Variants in SNRPC observed in about 807,000 individuals in gnomAD.
SNRPC encodes the protein small nuclear ribonucleoprotein polypeptide C, also known as U1 small nuclear ribonucleoprotein C.
A neutral mutation model predicts 20.0 loss-of-function variants in SNRPC; 5 were observed. The observed-to-expected ratio is 0.25, with a 90% confidence interval of 0.13 to 0.53. SNRPC has a LOEUF of 0.53. Ranked by LOEUF, SNRPC falls within the 20% of genes least tolerant of loss-of-function variation. SNRPC has a pLI of 0.96. For synonymous variants in SNRPC, 61 were observed against 58.7 expected (o/e 1.04, Z -0.18); for missense variants, 112 against 224.1 (o/e 0.50, Z 3.19).
chr6:34,757,630 G>C, intron 1 of SNRPC, 79 bp downstream of exon 1: 1 of 1,508,292 alleles, frequency 6.6e-7, no homozygotes, highest in South Asian at 1.1e-5. Flanking sequence ...GCGGGTTCTG[G>C]TTTCTGAAAC....
intron 4 of SNRPC, among the ~76,000 whole-genome samples, chr6:34,769,903 C>A (rs971273687): frequency 3.3e-5 from 5 of 152,116 alleles, no homozygotes; most frequent in African/African-American, 7.2e-5. Context: ...TGAAGGAGTT[C>A]ATGAGATCCT....
At chr6:34,763,365 T>G (rs1317335567) in intron 3 of SNRPC, among the ~76,000 whole-genome samples, 1 of 152,152 alleles carries the variant, frequency 6.6e-6, no homozygotes, top group South Asian at 2.1e-4. Flanking sequence ...CAAGCAAATA[T>G]GGGCTTTGTG....
intron 5 of SNRPC, among the ~76,000 whole-genome samples, chr6:34,771,220 T>A (rs753714426): frequency 6.6e-6 from 1 of 151,178 alleles, no homozygotes; most frequent in Non-Finnish European, 1.5e-5. Flanking sequence ...TCTCAGCTAC[T>A]CAGGAGGCTG....
chr6:34,769,229 C>CTTTTT (rs11408407), intron 4 of SNRPC, among the ~76,000 whole-genome samples: 37 of 129,090 alleles, frequency 2.9e-4, no homozygotes, highest in African/African-American at 5.9e-4. Flanking sequence ...TTCTTTCTTT[C>CTTTTT]TTTTTTTTTT....
chr6:34,770,368 C>G lies in SNRPC; in HGVS notation c.328C>G (p.Pro110Ala). ...CATGATGCCAATGATGGGCCCTCCT[C>G]CTCCTGGGATGATGCCAGTGGGACC... ...PPMMPMMGPP[P>A]PGMMPVGPAP... is the part of the protein sequence containing the mutation. Residue 110 changes from proline to alanine, a missense_variant, in exon 5 of 6, where the codon CCT becomes GCT. Physicochemically the swap from Pro to Ala is conservative, Grantham distance 27. Around this residue, in one of 3 missense-constraint regions of SNRPC, gnomAD observed 57 missense variants for 121.0 expected, o/e 0.47. Transcript: ENST00000244520. 1 of 1,612,166 alleles carries G rather than the reference C, an allele frequency of 6.2e-7. No homozygotes were observed. The highest frequency in any genetic ancestry group is 1.1e-5 in the South Asian group (1 of 91,042).
At chr6:34,767,816 C>A in intron 3 of SNRPC, 92 bp from the exon 4 acceptor site, 1 of 1,251,660 alleles carries the variant, frequency 8.0e-7, no homozygotes, top group Non-Finnish European at 1.1e-6. Context: ...TAATTGGAAC[C>A]GTTGAAGACT....
At chr6:34,765,750 T>C (rs1764604866) in intron 3 of SNRPC, among the ~76,000 whole-genome samples, 1 of 151,680 alleles carries the variant, frequency 6.6e-6, no homozygotes, top group Non-Finnish European at 1.5e-5. Context: ...GTCACAATTT[T>C]TTTTTTAGAA....
At chr6:34,762,563 T>G (rs1334634038) in intron 2 of SNRPC, 32 bp from the exon 3 acceptor site, 1 of 1,177,582 alleles carries the variant, frequency 8.5e-7, no homozygotes, top group South Asian at 1.3e-5. Context: ...GACATTTGTT[T>G]CTACGTCTGA....
At chr6:34,760,829 G>A (rs536598829) in intron 2 of SNRPC, among the ~76,000 whole-genome samples, 4 of 151,984 alleles carry the variant, frequency 2.6e-5, no homozygotes, top group African/African-American at 4.8e-5. Flanking sequence ...GGCAGATCAC[G>A]AGATCAGGAG....
At chr6:34,758,048 C>T in intron 2 of SNRPC, 94 bp downstream of exon 2, 1 of 1,354,884 alleles carries the variant, frequency 7.4e-7, no homozygotes, top group Non-Finnish European at 1.0e-6. Flanking sequence ...TGTGCTTTCC[C>T]ACCTGCTGAG....
At chr6:34,758,000 T>C (rs760281284) in intron 2 of SNRPC, 46 bp downstream of exon 2, 2 of 1,571,840 alleles carry the variant, frequency 1.3e-6, no homozygotes, top group Non-Finnish European at 1.7e-6. Flanking sequence ...TTATGTGTAA[T>C]AATTAAATGA....
intron 2 of SNRPC, among the ~76,000 whole-genome samples, chr6:34,759,684 C>G (rs1194364269): frequency 2.0e-5 from 3 of 152,090 alleles, no homozygotes; most frequent in Non-Finnish European, 2.9e-5. Context: ...TTCTAAAGTA[C>G]CAGGAGTTTG....
intron 4 of SNRPC, among the ~76,000 whole-genome samples, chr6:34,768,823 A>C (rs2127407543): frequency 6.6e-6 from 1 of 152,000 alleles, no homozygotes; most frequent in Admixed American, 6.6e-5. Flanking sequence ...GGAGTGGATC[A>C]TGGGCCCAGC....
chr6:34,773,352 A>G lies in SNRPC; in HGVS notation c.356-94A>G, dbSNP rs1764712270. The G allele has an allele frequency of 1.8e-6, 2 of 1,099,606 alleles. No individual in the cohort carries two copies. The highest frequency in any genetic ancestry group is 5.1e-5 in the East Asian group (2 of 39,228). The allele number at this position is 1,099,606 out of a possible 1,614,324, so 68.1% of individuals were successfully genotyped here. ...TTTCCAGCATTTTGCAAGGGGGGCT[A>G]CGTTTTTTGTTTTTAATTGAAGTCC... is the stretch of plus-strand genomic sequence containing the variant. On this transcript the variant is annotated intron_variant, in intron 5 of 5. Transcript: ENST00000244520. This position sits in a 1 kb window ranked among gnomAD's most constrained non-coding sequence, Gnocchi z 4.1.
At position 34,767,948 on chromosome 6, in the gene SNRPC, C is replaced by G; in HGVS notation, c.201C>G (p.Phe67Leu). The G allele has an allele frequency of 6.2e-7, 1 of 1,606,058 alleles. No individual in the cohort carries two copies. Among genetic ancestry groups the G allele is most frequent in the South Asian group, 1.1e-5 (1 of 90,706 alleles). The change falls in exon 4 of 6, where the codon TTC (phenylalanine) becomes TTG (leucine). Residue 67 changes from phenylalanine to leucine, a missense_variant. By Grantham distance (22) the Phe-to-Leu change is conservative. Coordinates refer to ENST00000244520, the MANE Select transcript of SNRPC (RefSeq NM_003093.3). ...AAGGAAAGATACCTCCTACTCCATT[C>G]TCTGCTCCTCCTCCTGCAGGGGCGA... ...FQQGKIPPTP[F>L]SAPPPAGAMI...
At chr6:34,771,874 C>T (rs1041064089) in intron 5 of SNRPC, among the ~76,000 whole-genome samples, 1 of 152,136 alleles carries the variant, frequency 6.6e-6, no homozygotes, top group African/African-American at 2.4e-5. Context: ...ATCCTTAAAC[C>T]AGGCTCACAA....
At position 34,764,540 on chromosome 6, in the gene SNRPC, G is replaced by A. The variant is rs563829022; in HGVS notation, c.160+1837G>A. ...CAGACGGGCATGGTGGTGCGTGCCT[G>A]TAGCCCCAGCTACTTGGGAGACTGA... is the stretch of plus-strand genomic sequence containing the variant. On this transcript the variant is annotated intron_variant, in intron 3 of 5. Transcript: ENST00000244520. Among the ~76,000 whole-genome samples the A allele has an allele frequency of 3.9e-5, 6 of 152,152 alleles. No individual in the cohort carries two copies. The South Asian group carries it at 1.2e-3, about 32-fold the overall frequency.
At chr6:34,760,301 C>T (rs1361323711) in intron 2 of SNRPC, among the ~76,000 whole-genome samples, 2 of 151,740 alleles carry the variant, frequency 1.3e-5, no homozygotes, top group Admixed American at 6.6e-5. Context: ...TTAGTACAGA[C>T]GGGGTTTCAC....
intron 3 of SNRPC, among the ~76,000 whole-genome samples, chr6:34,764,168 A>G (rs1229795972): frequency 1.4e-5 from 2 of 147,852 alleles, no homozygotes; most frequent in African/African-American, 5.0e-5. Context: ...ACATGGCAAA[A>G]CCCCATCTCT....
Sources: gnomAD v4.1 joint callset for allele counts (sites outside exome capture counted in the v4.1 genomes callset) on GRCh38, gnomAD v4.1.1 for gene constraint, gnomAD v4.1.1 regional missense constraint, Gnocchi (gnomAD v3.1) non-coding constraint, MANE v1.5 for transcripts, NCBI Gene and HGNC (gene_info 2026-07-23, HGNC 2026-07-21) for gene names.